PGPEP1L: variants seen among roughly 807,000 people sequenced by gnomAD.
PGPEP1L encodes pyroglutamyl-peptidase I like.
In PGPEP1L, 7 loss-of-function variants were observed where a neutral mutation model predicts 6.0. The observed-to-expected ratio is 1.17, with a 90% CI of 0.66 to 2.19. The LOEUF (loss-of-function observed/expected upper bound fraction) is 2.19, where lower values mean the gene tolerates loss of function less well. Ranked by LOEUF, PGPEP1L falls within the 30% of genes most tolerant of loss-of-function variation. The pLI is 0.00. For missense variants in PGPEP1L, 209 were observed against 192.5 expected (o/e 1.09, Z -0.51); for synonymous variants, 103 against 83.9 (o/e 1.23, Z -1.24).
At chr15:98,999,431 C>T (rs1269340981) in intron 2 of PGPEP1L, among the ~76,000 whole-genome samples, 1 of 152,152 alleles carries the variant, frequency 6.6e-6, no homozygotes, top group Non-Finnish European at 1.5e-5. Flanking sequence ...ACTGATAACA[C>T]CAAATGTTGG....
intron 2 of PGPEP1L, among the ~76,000 whole-genome samples, chr15:98,992,629 G>A (rs1222160645): frequency 2.6e-5 from 4 of 152,138 alleles, no homozygotes; most frequent in African/African-American, 7.2e-5. Flanking sequence ...AAAAGAGCCT[G>A]CATAGCCAAG....
chr15:98,976,269 T>C (rs2017568465), intron 2 of PGPEP1L, among the ~76,000 whole-genome samples: 1 of 152,206 alleles, frequency 6.6e-6, no homozygotes, highest in East Asian at 1.9e-4. Flanking sequence ...TTAAGAAAAT[T>C]ATGGCTTTCA....
At chr15:98,987,374 G>A (rs999481553) in intron 2 of PGPEP1L, among the ~76,000 whole-genome samples, 2 of 152,058 alleles carry the variant, frequency 1.3e-5, no homozygotes, top group Non-Finnish European at 2.9e-5. Flanking sequence ...CTTTGGCTCA[G>A]CCAATATGAT....
chr15:98,994,508 A>C (rs1376074500), intron 2 of PGPEP1L, among the ~76,000 whole-genome samples: 1 of 152,062 alleles, frequency 6.6e-6, no homozygotes, highest in African/African-American at 2.4e-5. Flanking sequence ...TAAAAAAATT[A>C]GCCAGGCATG....
At chr15:98,995,376 C>A (rs901389006) in intron 2 of PGPEP1L, among the ~76,000 whole-genome samples, 1 of 152,104 alleles carries the variant, frequency 6.6e-6, no homozygotes, top group African/African-American at 2.4e-5. Flanking sequence ...AGATATAATT[C>A]ACCTCCCATA....
intron 2 of PGPEP1L, among the ~76,000 whole-genome samples, chr15:98,981,422 A>G (rs530168610): frequency 1.6e-4 from 24 of 149,966 alleles, no homozygotes; most frequent in Admixed American, 2.0e-4. Flanking sequence ...CCCGGGAGGC[A>G]GAGCTTGCAG....
chr15:98,977,635 CAT>C (rs1378468294), intron 2 of PGPEP1L, among the ~76,000 whole-genome samples: 1 of 152,174 alleles, frequency 6.6e-6, no homozygotes, highest in Non-Finnish European at 1.5e-5. Flanking sequence ...TGCATATGCA[CAT>C]ATGAGAGTGT....
intron 1 of PGPEP1L, among the ~76,000 whole-genome samples, chr15:99,007,116 C>A (rs868928637): frequency 1.3e-5 from 2 of 152,230 alleles, no homozygotes; most frequent in Non-Finnish European, 2.9e-5. Flanking sequence ...CTTTAATTAG[C>A]TCCTGGTGTG....
At chr15:98,969,341 G>T in intron 4 of PGPEP1L, 84 bp downstream of exon 4, 2 of 1,548,964 alleles carry the variant, frequency 1.3e-6, no homozygotes, top group Non-Finnish European at 1.8e-6. Context: ...GACGATACAG[G>T]ATGGCTTCTT....
At position 98,972,927 on chromosome 15, in the gene PGPEP1L, G is replaced by A. The variant is rs978286038; in HGVS notation, c.-141-1769C>T. On this transcript the variant is annotated intron_variant, in intron 2 of 4. Coordinates refer to ENST00000535714, the MANE Select transcript of PGPEP1L (RefSeq NM_001167902.2). The stretch of plus-strand genomic sequence containing the variant: ...AGTGCAGTGTAGCTGAATGGATTTT[G>A]AAAAAATAAAGATCCAACTATACGT... Among the ~76,000 whole-genome samples the A allele has an allele frequency of 1.3e-4, 15 of 115,722 alleles. 1 individual carries two copies. The South Asian group carries it at 3.1e-3, about 24-fold the overall frequency. The allele number at this position is 115,722 out of a possible 152,430, so 75.9% of individuals were successfully genotyped here.
At position 98,971,084 on chromosome 15, in the gene PGPEP1L, C is replaced by T. The variant is rs1011693945; in HGVS notation, c.-67G>A. 1.2e-6 allele frequency: 2 copies of T among 1,613,604 alleles called. No homozygotes were observed. The highest frequency in any genetic ancestry group is 1.3e-5 in the African/African-American group (1 of 74,838). Reference sequence around the variant, plus strand: ...TTCCGGTGACCCTCCGCTTAGCCTCCCTGTAATCTACAGGCAGCTCCAGAG... The same window carrying T: ...TTCCGGTGACCCTCCGCTTAGCCTCTCTGTAATCTACAGGCAGCTCCAGAG... On this transcript the variant is annotated 5_prime_UTR_variant, in exon 3 of 5. Coordinates refer to ENST00000535714, the MANE Select transcript of PGPEP1L (RefSeq NM_001167902.2).
At chr15:98,979,630 ATTCTTTT>A (rs2017626922) in intron 2 of PGPEP1L, among the ~76,000 whole-genome samples, 27 of 105,922 alleles carry the variant, frequency 2.5e-4, no homozygotes, top group East Asian at 1.6e-3. Flanking sequence ...ATTGGAGACT[ATTCTTTT>A]TTTTTTTTTT....
At chr15:98,974,485 G>A (rs1055157103) in intron 2 of PGPEP1L, among the ~76,000 whole-genome samples, 6 of 152,174 alleles carry the variant, frequency 3.9e-5, no homozygotes, top group African/African-American at 1.4e-4. Flanking sequence ...ATGAGTAACA[G>A]ATAGAATCAG....
chr15:98,980,749 G>A (rs1281963932), intron 2 of PGPEP1L, among the ~76,000 whole-genome samples: 2 of 151,918 alleles, frequency 1.3e-5, no homozygotes, highest in Admixed American at 1.3e-4. Flanking sequence ...CTGGCCAAAA[G>A]AGTGAAACCC....
At chr15:98,981,264 G>A (rs575007238) in intron 2 of PGPEP1L, among the ~76,000 whole-genome samples, 1 of 151,930 alleles carries the variant, frequency 6.6e-6, no homozygotes, top group Non-Finnish European at 1.5e-5. Context: ...AGGCCGAGGC[G>A]GGCGGATCAC....
chr15:98,970,504 T>C (rs1007372506), intron 3 of PGPEP1L, among the ~76,000 whole-genome samples: 4 of 141,654 alleles, frequency 2.8e-5, no homozygotes, highest in African/African-American at 1.0e-4. Flanking sequence ...GGCTTGATAG[T>C]GTATGTTTTA....
chr15:98,972,101 C>T (rs2017505808), intron 2 of PGPEP1L, among the ~76,000 whole-genome samples: 1 of 152,052 alleles, frequency 6.6e-6, no homozygotes, highest in Non-Finnish European at 1.5e-5. Context: ...ACCTGTAATC[C>T]CAGCACTTTG....
At chr15:98,983,881 G>A (rs1045785215) in intron 2 of PGPEP1L, among the ~76,000 whole-genome samples, 14 of 152,038 alleles carry the variant, frequency 9.2e-5, no homozygotes, top group African/African-American at 2.9e-4. Context: ...AAATGCATTT[G>A]AGTTATTTGT....
At chr15:98,969,358 C>T (rs1243432151) in intron 4 of PGPEP1L, 67 bp downstream of exon 4, 10 of 1,588,910 alleles carry the variant, frequency 6.3e-6, no homozygotes, top group African/African-American at 2.7e-5. Flanking sequence ...TCTTGGAGGT[C>T]GGGGGGACGC....
Sources: allele counts gnomAD v4.1 joint callset (sites outside exome capture counted in the v4.1 genomes callset), GRCh38; gene constraint gnomAD v4.1.1; transcripts MANE v1.5; gene names NCBI Gene and HGNC (gene_info 2026-07-23, HGNC 2026-07-21).